The following SKAP1 variants were observed in gnomAD, a reference collection of about 807,000 sequenced individuals.
The protein encoded by SKAP1 is src kinase-associated phosphoprotein 1.
SKAP1 carries 44 observed loss-of-function variants against 58.5 expected under a neutral mutation model. The observed-to-expected ratio is 0.75, with a 90% CI of 0.59 to 0.97. SKAP1 has a LOEUF of 0.97. Among genes scored for constraint, SKAP1 ranks in the 50% least tolerant of loss-of-function variants. SKAP1 has a pLI of 0.00. For synonymous variants in SKAP1, 127 were observed against 149.7 expected (o/e 0.85, Z 1.11); for missense variants, 390 against 435.2 (o/e 0.90, Z 0.92).
chr17:48,396,345 C>T (rs898404714), intron 2 of SKAP1, among the ~76,000 whole-genome samples: 1 of 152,164 alleles, frequency 6.6e-6, no homozygotes, highest in African/African-American at 2.4e-5. Context: ...CTGCCTAACA[C>T]TTTCTCGTTA....
chr17:48,196,405 T>C (rs927178600), intron 4 of SKAP1, among the ~76,000 whole-genome samples: 3 of 152,238 alleles, frequency 2.0e-5, no homozygotes, highest in African/African-American at 7.2e-5. Context: ...TATTTTTATG[T>C]TTTTCAGCTT....
rs2063712442 is a variant in SKAP1, at chr17:48,137,284, A to G, written c.1032T>C (p.Ile344=). The G allele has an allele frequency of 6.2e-7, 1 of 1,613,784 alleles. No individual in the cohort carries two copies. The highest frequency in any genetic ancestry group is 1.1e-5 in the South Asian group (1 of 91,070). The part of the protein sequence containing the change: ...WVGELNSLVG[I]VPKEYLTTAF... Reference sequence around the variant, plus strand: ...CAGTGGTGAGATACTCCTTTGGAACAATCCCAACGAGGCTGTTCAGTTCTC... The same window carrying G: ...CAGTGGTGAGATACTCCTTTGGAACGATCCCAACGAGGCTGTTCAGTTCTC... The change falls in exon 12 of 13, where the codon ATT becomes ATC. Residue 344 remains isoleucine, a synonymous_variant. Coordinates refer to ENST00000336915, the MANE Select transcript of SKAP1 (RefSeq NM_003726.4).
chr17:48,345,152 G>A (rs945885255), intron 4 of SKAP1, among the ~76,000 whole-genome samples: 7 of 152,160 alleles, frequency 4.6e-5, no homozygotes, highest in Non-Finnish European at 8.8e-5. Context: ...GAGGCACAGC[G>A]GATCCCCACA....
intron 4 of SKAP1, among the ~76,000 whole-genome samples, chr17:48,217,574 A>G (rs1411562519): frequency 6.6e-6 from 1 of 152,148 alleles, no homozygotes; most frequent in Non-Finnish European, 1.5e-5. Context: ...TTGAGCCAAG[A>G]GGTCGAGACT....
intron 4 of SKAP1, among the ~76,000 whole-genome samples, chr17:48,251,818 A>G (rs1293744590): frequency 6.6e-6 from 1 of 152,218 alleles, no homozygotes; most frequent in African/African-American, 2.4e-5. Flanking sequence ...TTTCTTACAA[A>G]TGAAAAATCA....
chr17:48,180,056 G>C lies in SKAP1; in HGVS notation c.824C>G (p.Pro275Arg), dbSNP rs754886738. The part of the protein sequence containing the change: ...KEEEDIYEVL[P>R]DEEHDLEEDE... ...AATCAGAGGACAAAATTTCTCACCT[G>C]GCAAGACTTCATAAATATCTTCTTC... Residue 275 changes from proline to arginine, a missense_variant and splice_region_variant, in exon 9 of 13, where the codon CCA (proline) becomes CGA (arginine). Coordinates refer to ENST00000336915, the MANE Select transcript of SKAP1 (RefSeq NM_003726.4). 42 of 1,585,434 alleles carry C rather than the reference G, an allele frequency of 2.6e-5. No homozygotes were observed. In the South Asian group the frequency reaches 4.3e-4, roughly 16 times the overall value.
intron 4 of SKAP1, among the ~76,000 whole-genome samples, chr17:48,280,805 T>C (rs1369363793): frequency 6.6e-6 from 1 of 152,176 alleles, no homozygotes; most frequent in Non-Finnish European, 1.5e-5. Flanking sequence ...TTAATTAGCA[T>C]AAAACCTTTA....
chr17:48,229,407 G>A (rs2065103448), intron 4 of SKAP1, among the ~76,000 whole-genome samples: 1 of 152,006 alleles, frequency 6.6e-6, no homozygotes, highest in South Asian at 2.1e-4. Flanking sequence ...GATCGCCTGA[G>A]GTCAGGAGTT....
intron 1 of SKAP1, among the ~76,000 whole-genome samples, chr17:48,423,923 G>A (rs1372147564): frequency 2.0e-5 from 3 of 151,430 alleles, no homozygotes; most frequent in African/African-American, 7.3e-5. Flanking sequence ...CGCCTGGCCC[G>A]ATTTTTATTT....
intron 1 of SKAP1, among the ~76,000 whole-genome samples, chr17:48,400,922 C>T (rs548275395): frequency 9.2e-4 from 140 of 152,102 alleles, no homozygotes; most frequent in African/African-American, 3.2e-3. Context: ...TATCAAAATC[C>T]CAGCTGGCTT....
In SKAP1 at chr17:48,188,260, G is replaced by A. The variant is rs920595481; in HGVS notation, c.359-334C>T. ...ATCTTTATGTGTTGCCTTTGACAAA[G>A]CAAAATGATTCTCCAGGCCTTGGCC... On this transcript the variant is annotated intron_variant, in intron 5 of 12. Coordinates refer to ENST00000336915, the MANE Select transcript of SKAP1 (RefSeq NM_003726.4). Among the ~76,000 whole-genome samples, 8 of 152,212 alleles carry A rather than the reference G, an allele frequency of 5.3e-5. No homozygotes were observed. The East Asian group carries it at 1.3e-3, about 26-fold the overall frequency.
At chr17:48,267,455 C>T (rs1287146292) in intron 4 of SKAP1, among the ~76,000 whole-genome samples, 1 of 152,110 alleles carries the variant, frequency 6.6e-6, no homozygotes, top group African/African-American at 2.4e-5. Context: ...ATGATTTTGG[C>T]TCTAAGGTGA....
chr17:48,287,266 A>G (rs552502568), intron 4 of SKAP1, among the ~76,000 whole-genome samples: 88 of 152,192 alleles, frequency 5.8e-4, no homozygotes, highest in African/African-American at 1.9e-3. Context: ...ATAGTCAGCA[A>G]CATCCCTCAA....
intron 4 of SKAP1, among the ~76,000 whole-genome samples, chr17:48,326,433 A>G (rs1402015412): frequency 6.6e-6 from 1 of 152,208 alleles, no homozygotes; most frequent in Non-Finnish European, 1.5e-5. Flanking sequence ...AGGCGCCTCA[A>G]TCTTCTGGTG....
intron 4 of SKAP1, among the ~76,000 whole-genome samples, chr17:48,220,997 G>A (rs1329364351): frequency 6.7e-6 from 1 of 150,292 alleles, no homozygotes; most frequent in Non-Finnish European, 1.5e-5. Flanking sequence ...GGGTGGGCAC[G>A]GTGGCTCACG....
chr17:48,234,920 A>T (rs1025996916), intron 4 of SKAP1, among the ~76,000 whole-genome samples: 4 of 152,222 alleles, frequency 2.6e-5, no homozygotes, highest in African/African-American at 9.6e-5. Flanking sequence ...TAAAGCTTTT[A>T]GCCTTGGTTT....
chr17:48,355,677 A>G (rs999773778), intron 3 of SKAP1, among the ~76,000 whole-genome samples: 1 of 152,218 alleles, frequency 6.6e-6, no homozygotes, highest in Non-Finnish European at 1.5e-5. Context: ...AAATACAAAA[A>G]TTAGCCGGGC....
intron 4 of SKAP1, among the ~76,000 whole-genome samples, chr17:48,237,589 T>C: frequency 6.6e-6 from 1 of 152,208 alleles, no homozygotes; most frequent in East Asian, 1.9e-4. Flanking sequence ...CTAGAGGGAT[T>C]ATTCTTTTAT....
chr17:48,136,113 A>C (rs1262895713), intron 12 of SKAP1, among the ~76,000 whole-genome samples: 1 of 152,142 alleles, frequency 6.6e-6, no homozygotes, highest in Non-Finnish European at 1.5e-5. Flanking sequence ...TGGAATGTGA[A>C]AGGAAGTGTG....
Sources: gnomAD v4.1 joint callset for allele counts (sites outside exome capture counted in the v4.1 genomes callset) on GRCh38, gnomAD v4.1.1 for gene constraint, MANE v1.5 for transcripts, NCBI Gene and HGNC (gene_info 2026-07-23, HGNC 2026-07-21) for gene names.